Variants in AKAP6 observed in about 807,000 individuals in gnomAD.
AKAP6 encodes A-kinase anchor protein 6.
A neutral mutation model predicts 188.5 loss-of-function variants in AKAP6; 58 were observed. That is an observed-to-expected ratio of 0.31 (90% CI 0.25 to 0.38). The LOEUF (loss-of-function observed/expected upper bound fraction) is 0.38. Among genes scored for constraint, AKAP6 ranks in the 10% least tolerant of loss-of-function variants. AKAP6 has a pLI of 1.00. For missense variants in AKAP6, 2,710 were observed against 2,740.0 expected, an observed-to-expected ratio of 0.99 and a Z score of 0.24; for synonymous variants, 989 against 998.6, an observed-to-expected ratio of 0.99 and a Z score of 0.18.
chr14:32,538,816 C>T (rs1566562564), intron 3 of AKAP6, among the ~76,000 whole-genome samples: 1 of 151,960 alleles, frequency 6.6e-6, no homozygotes, highest in Non-Finnish European at 1.5e-5. Context: ...ATGTAACAAA[C>T]CTGCACATCC....
intron 8 of AKAP6, among the ~76,000 whole-genome samples, chr14:32,679,462 C>T (rs1889579119): frequency 6.6e-6 from 1 of 152,106 alleles, no homozygotes; most frequent in African/African-American, 2.4e-5. Flanking sequence ...GGATGTAACT[C>T]TAGCCAAAAT....
chr14:32,775,862 G>A (rs11845042), intron 12 of AKAP6, among the ~76,000 whole-genome samples: 23,155 of 152,206 alleles, frequency 0.15, 2,844 homozygotes, highest in African/African-American at 0.34. Context: ...TGTTTAAGGT[G>A]ACTGCTGAAT....
chr14:32,771,838 G>A (rs980769573), intron 11 of AKAP6, among the ~76,000 whole-genome samples: 14 of 152,094 alleles, frequency 9.2e-5, no homozygotes, highest in South Asian at 6.2e-4. Context: ...AGGCCTTTAC[G>A]CTTAACAAGT....
rs60277036 is a variant in AKAP6 at position 32,593,011 on chromosome 14, AACACACACACAC to A, written c.2470-6359_2470-6348del. Among the ~76,000 whole-genome samples, 3,593 of 123,868 alleles carry A rather than the reference AACACACACACAC, an allele frequency of 0.029. 459 individuals are homozygous for A. In the East Asian group the frequency reaches 0.44, roughly 15 times the overall value. 81.3% of individuals were successfully genotyped at this position (123,868 alleles called of 152,430 possible). A position where few individuals can be genotyped will look rare whatever the true frequency, so the allele number is the denominator to read the frequency against. On this transcript the variant is annotated intron_variant, in intron 5 of 13. Transcript: ENST00000280979. Reference sequence around the variant, plus strand: ...ACACAGTGTCCCCTACCCCCACCCCAACACACACACACACACACACACACACACACACACACA... The same window carrying A: ...ACACAGTGTCCCCTACCCCCACCCCAACACACACACACACACACACACACA...
chr14:32,379,398 T>G (rs1025778788), intron 1 of AKAP6, among the ~76,000 whole-genome samples: 1 of 152,196 alleles, frequency 6.6e-6, no homozygotes, highest in African/African-American at 2.4e-5. Flanking sequence ...TCTGCTGTCT[T>G]ATTTTACACA....
rs1480950586 is a variant in AKAP6, at chr14:32,440,374, A to C, written c.324+6557A>C. 2.0e-5 allele frequency among the ~76,000 whole-genome samples: 3 copies of C among 152,082 alleles called. No homozygotes were observed. The East Asian group carries it at 5.8e-4, about 29-fold the overall frequency. Reference sequence around the variant, plus strand: ...AGGGATAGCATTAGGAGATATACCTAGTGTAAATGACCAGTTAACGGGTGC... The same window carrying C: ...AGGGATAGCATTAGGAGATATACCTCGTGTAAATGACCAGTTAACGGGTGC... On this transcript the variant is annotated intron_variant, in intron 2 of 13. Coordinates refer to ENST00000280979, the MANE Select transcript of AKAP6 (RefSeq NM_004274.5).
chr14:32,821,314 T>C, intron 12 of AKAP6, 88 bp from the exon 13 acceptor site: 1 of 1,440,454 alleles, frequency 6.9e-7, no homozygotes, highest in Admixed American at 2.4e-5. Flanking sequence ...TTTTCTTTCC[T>C]GAGTCTTCTG....
intron 11 of AKAP6, among the ~76,000 whole-genome samples, chr14:32,767,482 G>A (rs2032754503): frequency 6.6e-6 from 1 of 152,000 alleles, no homozygotes; most frequent in Admixed American, 6.5e-5. Flanking sequence ...GACATTTTGT[G>A]TGTCTTGCTC....
In AKAP6 at chr14:32,821,874, G is replaced by A. The variant is rs185718072; in HGVS notation, c.4061G>A (p.Gly1354Glu). 6.2e-7 allele frequency: 1 copy of A among 1,613,898 alleles called. No individual in the cohort carries two copies. The highest frequency in any genetic ancestry group is 8.5e-7 in the Non-Finnish European group (1 of 1,179,944). The change falls in exon 13 of 14, where the codon GGA becomes GAA. Residue 1354 changes from glycine (G) to glutamate (E), a missense_variant. By Grantham distance (98) the Gly-to-Glu change is moderately conservative. Coordinates refer to ENST00000280979, the MANE Select transcript of AKAP6 (RefSeq NM_004274.5). ...NLVKPCACHGGDMSQNSGSES... is the reference protein window; with the variant it reads ...NLVKPCACHGEDMSQNSGSES... ...GTAAAGCCCTGCGCATGTCATGGAG[G>A]AGACATGAGCCAGAATTCAGGCAGT...
intron 2 of AKAP6, among the ~76,000 whole-genome samples, chr14:32,477,332 A>AG (rs1879120989): frequency 6.6e-6 from 1 of 152,182 alleles, no homozygotes; most frequent in South Asian, 2.1e-4. Context: ...AGGGCTAGCT[A>AG]GGTGCCTGGA....
At chr14:32,434,005 G>C (rs1461457210) in intron 2 of AKAP6, 188 bp downstream of exon 2, 1 of 603,212 alleles carries the variant, frequency 1.7e-6, no homozygotes, top group Non-Finnish European at 2.8e-6. Context: ...TACATGTGCT[G>C]ATTATCTAGA....
intron 12 of AKAP6, among the ~76,000 whole-genome samples, chr14:32,810,408 C>T (rs2034194432): frequency 6.6e-6 from 1 of 152,028 alleles, no homozygotes; most frequent in Non-Finnish European, 1.5e-5. Context: ...CGTGTAAGAG[C>T]CCAGGACAAG....
chr14:32,717,422 ATT>A (rs896113720), intron 9 of AKAP6, among the ~76,000 whole-genome samples: 6 of 151,892 alleles, frequency 4.0e-5, no homozygotes, highest in African/African-American at 1.5e-4. Context: ...AATGCTGTTT[ATT>A]TTTATGTAGT....
At chr14:32,660,193 G>T (rs1888627866) in intron 7 of AKAP6, among the ~76,000 whole-genome samples, 1 of 152,072 alleles carries the variant, frequency 6.6e-6, no homozygotes, top group Non-Finnish European at 1.5e-5. Context: ...TTTAACATTG[G>T]CTAGTTAGTA....
intron 1 of AKAP6, among the ~76,000 whole-genome samples, chr14:32,396,052 A>G (rs1888868994): frequency 6.6e-6 from 1 of 152,158 alleles, no homozygotes; most frequent in Non-Finnish European, 1.5e-5. Flanking sequence ...ATGTGTATAT[A>G]TATATATCAG....
chr14:32,577,077 C>T (rs1884754098), intron 4 of AKAP6, 43 bp from the exon 5 acceptor site: 1 of 1,581,430 alleles, frequency 6.3e-7, no homozygotes, highest in Non-Finnish European at 8.5e-7. Flanking sequence ...AACTAACATG[C>T]CTTTCTTGCC....
intron 7 of AKAP6, among the ~76,000 whole-genome samples, chr14:32,628,535 A>C (rs1021375631): frequency 1.3e-4 from 20 of 152,008 alleles, no homozygotes; most frequent in Non-Finnish European, 2.6e-4. Flanking sequence ...TGGACCACTG[A>C]AAGGTTTAGG....
chr14:32,768,423 TAAAATCA>T (rs2032784763), intron 11 of AKAP6, among the ~76,000 whole-genome samples: 1 of 151,926 alleles, frequency 6.6e-6, no homozygotes, highest in Non-Finnish European at 1.5e-5. Context: ...CAAAAAAGAG[TAAAATCA>T]CCAAATACTG....
intron 5 of AKAP6, among the ~76,000 whole-genome samples, chr14:32,587,556 A>G (rs1001564972): frequency 6.6e-6 from 1 of 152,204 alleles, no homozygotes; most frequent in African/African-American, 2.4e-5. Flanking sequence ...ATGTTGGAGT[A>G]ATGAGAGAAA....
Sources: allele counts gnomAD v4.1 joint callset (sites outside exome capture counted in the v4.1 genomes callset), GRCh38; gene constraint gnomAD v4.1.1; transcripts MANE v1.5; gene names NCBI Gene and HGNC (gene_info 2026-07-23, HGNC 2026-07-21).